The following PIEZO2 variants were observed in gnomAD, a reference collection of about 807,000 sequenced individuals.
The protein encoded by PIEZO2 is piezo type mechanosensitive ion channel component 2.
PIEZO2 carries 172 observed loss-of-function variants against 337.3 expected under a neutral mutation model. That is an observed-to-expected ratio of 0.51 (90% CI 0.45 to 0.58). The LOEUF (loss-of-function observed/expected upper bound fraction) is 0.58. Ranked by LOEUF, PIEZO2 falls within the 20% of genes least tolerant of loss-of-function variation. PIEZO2 has a pLI of 0.00. For missense variants in PIEZO2, 3,028 were observed against 3,391.3 expected, an observed-to-expected ratio of 0.89 and a Z score of 2.66; for synonymous variants, 1,251 against 1,228.5, an observed-to-expected ratio of 1.02 and a Z score of -0.38.
chr18:10,880,294 C>A (rs1192054231), intron 4 of PIEZO2, among the ~76,000 whole-genome samples: 1 of 152,114 alleles, frequency 6.6e-6, no homozygotes, highest in African/African-American at 2.4e-5. Flanking sequence ...CTGTCAAAGA[C>A]CAGAGAAGAA....
chr18:10,718,886 T>G (rs1046239832), intron 36 of PIEZO2, among the ~76,000 whole-genome samples: 3 of 151,780 alleles, frequency 2.0e-5, no homozygotes, highest in South Asian at 4.2e-4. Context: ...TCCCAGCTAT[T>G]TGGGAGGCTG....
At position 10,833,719 on chromosome 18, in the gene PIEZO2, C is replaced by G. The variant is rs1279958229; in HGVS notation, c.917+21634G>C. 6.6e-6 allele frequency among the ~76,000 whole-genome samples: 1 copy of G among 152,244 alleles called. No homozygotes were observed. Among genetic ancestry groups the G allele is most frequent in the Non-Finnish European group, 1.5e-5 (1 of 68,040 alleles). ...TATCTCTCTGGAGAGACACTTTCTT[C>G]TTTCTAGTCAGCTTTGGGTCAAATA... is the stretch of plus-strand genomic sequence containing the variant. On this transcript the variant is annotated intron_variant, in intron 7 of 55. Coordinates refer to ENST00000674853, the MANE Select transcript of PIEZO2 (RefSeq NM_001378183.1). The surrounding 1 kb of genome is among the most constrained non-coding windows in gnomAD (Gnocchi z 4.7).
chr18:11,084,097 A>C (rs559496761), intron 1 of PIEZO2, among the ~76,000 whole-genome samples: 19 of 150,712 alleles, frequency 1.3e-4, no homozygotes, highest in African/African-American at 4.7e-4. Context: ...GAATCACTTG[A>C]ACCTGGGGGG....
chr18:10,852,966 A>G (rs563498024), intron 7 of PIEZO2, among the ~76,000 whole-genome samples: 3 of 152,162 alleles, frequency 2.0e-5, no homozygotes, highest in Non-Finnish European at 2.9e-5. Flanking sequence ...GTCTCCCAAT[A>G]TACAGAAAAA....
At chr18:10,804,113 A>T in intron 8 of PIEZO2, 119 bp from the exon 9 acceptor site, 1 of 1,209,086 alleles carries the variant, frequency 8.3e-7, no homozygotes, top group African/African-American at 1.5e-5. Context: ...GTGAATGTTT[A>T]CAATATACAG....
At chr18:10,737,058 A>C (rs2037026410) in intron 33 of PIEZO2, among the ~76,000 whole-genome samples, 1 of 152,134 alleles carries the variant, frequency 6.6e-6, no homozygotes, top group East Asian at 1.9e-4. Context: ...GACCAAAATA[A>C]CTGAACACTA....
At chr18:10,805,929 T>C (rs2039988791) in intron 8 of PIEZO2, among the ~76,000 whole-genome samples, 1 of 152,236 alleles carries the variant, frequency 6.6e-6, no homozygotes, top group South Asian at 2.1e-4. Flanking sequence ...AGTTTTACAG[T>C]CACTATCTGA....
At chr18:10,966,768 C>A (rs192546410) in intron 3 of PIEZO2, among the ~76,000 whole-genome samples, 306 of 152,184 alleles carry the variant, frequency 2.0e-3, no homozygotes, top group African/African-American at 6.9e-3. Context: ...ATCCCTCACC[C>A]ACCTCCTGCC....
chr18:10,879,389 A>G (rs1312227520), intron 4 of PIEZO2, among the ~76,000 whole-genome samples: 1 of 101,958 alleles, frequency 9.8e-6, no homozygotes, highest in Non-Finnish European at 1.9e-5. Flanking sequence ...GTCCTTTCCA[A>G]TCTTTTTTTT....
intron 2 of PIEZO2, among the ~76,000 whole-genome samples, chr18:11,034,353 T>G (rs371780864): frequency 2.6e-4 from 40 of 151,886 alleles, no homozygotes; most frequent in African/African-American, 9.2e-4. Context: ...TGGAGTGCAA[T>G]GGTGCGATCT....
Position 10,784,789 on chromosome 18 carries a change from G to T in PIEZO2, c.2487C>A (p.Ile829=), listed in dbSNP as rs949990407. The part of the protein sequence containing the change: ...KSIPSKEDNT[I]YSHAKVNGRV... ...TGTTTCTTCCAGTGGCTCACCTGTA[G>T]ATGGTGTTGTCTTCTTTGCTGGGAA... The change falls in exon 17 of 56, where the codon ATC becomes ATA. Residue 829 remains isoleucine, a synonymous_variant. Transcript: ENST00000674853. This position sits in a 1 kb window ranked among gnomAD's most constrained non-coding sequence, Gnocchi z 4.5. 2 of 1,536,056 alleles carry T rather than the reference G, an allele frequency of 1.3e-6. No individual in the cohort carries two copies. Among genetic ancestry groups the T allele is most frequent in the African/African-American group, 2.7e-5 (2 of 73,112 alleles).
At chr18:11,010,954 C>G (rs1316359426) in intron 2 of PIEZO2, among the ~76,000 whole-genome samples, 1 of 152,194 alleles carries the variant, frequency 6.6e-6, no homozygotes, top group Non-Finnish European at 1.5e-5. Context: ...ATTAGTTTTT[C>G]AATGTGCTAA....
At chr18:10,986,951 G>A (rs1025434030) in intron 2 of PIEZO2, among the ~76,000 whole-genome samples, 1 of 151,762 alleles carries the variant, frequency 6.6e-6, no homozygotes, top group East Asian at 1.9e-4. Context: ...TAAACAAAAC[G>A]ACTTACAATA....
rs1275163099 is a variant in PIEZO2, at chr18:11,003,133, T to C, written c.161-23473A>G. Among the ~76,000 whole-genome samples the C allele has an allele frequency of 2.0e-5, 3 of 152,200 alleles. No homozygotes were observed. Among genetic ancestry groups the C allele is most frequent in the African/African-American group, 7.2e-5 (3 of 41,456 alleles). Reference sequence around the variant, plus strand: ...CCAGGTCTTCCTCCAGCAGGCAGGATGGCACTTGGAGTCTGGGTGATGCAG... The same window carrying C: ...CCAGGTCTTCCTCCAGCAGGCAGGACGGCACTTGGAGTCTGGGTGATGCAG... On this transcript the variant is annotated intron_variant, in intron 2 of 55. Transcript: ENST00000674853. The surrounding 1 kb of genome is among the most constrained non-coding windows in gnomAD (Gnocchi z 4.6).
chr18:11,095,168 C>G (rs553182765), intron 1 of PIEZO2, among the ~76,000 whole-genome samples: 28 of 152,346 alleles, frequency 1.8e-4, no homozygotes, highest in Non-Finnish European at 3.7e-4. Context: ...TGCTGAGCCT[C>G]AGAACTCAGG....
chr18:11,112,161 G>C lies in PIEZO2; in HGVS notation c.64+36364C>G, dbSNP rs993790328. 6.6e-6 allele frequency among the ~76,000 whole-genome samples: 1 copy of C among 152,176 alleles called. No homozygotes were observed. Among genetic ancestry groups the C allele is most frequent in the South Asian group, 2.1e-4 (1 of 4,824 alleles). On this transcript the variant is annotated intron_variant, in intron 1 of 55. Transcript: ENST00000674853. This position sits in a 1 kb window ranked among gnomAD's most constrained non-coding sequence, Gnocchi z 4.3. ...AAAATAACCAGATACTCATATTTATGTATGTATTTCTAATTTAAGTAATCC... is the reference window on the plus strand; with the variant it reads ...AAAATAACCAGATACTCATATTTATCTATGTATTTCTAATTTAAGTAATCC...
At chr18:11,085,569 A>G (rs569682710) in intron 1 of PIEZO2, among the ~76,000 whole-genome samples, 53 of 152,222 alleles carry the variant, frequency 3.5e-4, no homozygotes, top group African/African-American at 1.3e-3. Flanking sequence ...TAGTACACAC[A>G]GGTTTTAGTG....
chr18:10,826,478 T>C (rs1312924675), intron 7 of PIEZO2, among the ~76,000 whole-genome samples: 2 of 152,200 alleles, frequency 1.3e-5, no homozygotes, highest in African/African-American at 4.8e-5. Flanking sequence ...ACATGTATAG[T>C]GATTTCAGAA....
intron 1 of PIEZO2, among the ~76,000 whole-genome samples, chr18:11,136,727 G>A (rs112724323): frequency 3.9e-5 from 6 of 152,150 alleles, no homozygotes; most frequent in Admixed American, 6.5e-5. Context: ...CAACACCTGC[G>A]TAGGGAGCCC....
Sources: gnomAD v4.1 joint callset for allele counts (sites outside exome capture counted in the v4.1 genomes callset) on GRCh38, gnomAD v4.1.1 for gene constraint, Gnocchi (gnomAD v3.1) non-coding constraint, MANE v1.5 for transcripts, NCBI Gene and HGNC (gene_info 2026-07-23, HGNC 2026-07-21) for gene names.